Variants in PIBF1 observed in about 807,000 individuals in gnomAD.
PIBF1 encodes the protein progesterone-induced-blocking factor 1.
PIBF1 carries 90 observed loss-of-function variants against 112.5 expected under a neutral mutation model. The ratio of observed to expected loss-of-function variants is 0.80; its 90% CI spans 0.67 to 0.95. The LOEUF (loss-of-function observed/expected upper bound fraction) is 0.95. PIBF1 is among the 40% of genes least tolerant of loss of function. PIBF1 has a pLI of 0.00. For missense variants in PIBF1, 915 were observed against 852.3 expected (o/e 1.07, Z -0.92); for synonymous variants, 301 against 288.6 (o/e 1.04, Z -0.44).
At chr13:72,796,668 A>G (rs2035216763) in intron 4 of PIBF1, among the ~76,000 whole-genome samples, 1 of 150,986 alleles carries the variant, frequency 6.6e-6, no homozygotes, top group Admixed American at 6.6e-5. Context: ...TTTTTTTTAA[A>G]AGGCTCAAAT....
intron 14 of PIBF1, among the ~76,000 whole-genome samples, chr13:72,964,252 A>G (rs2042681290): frequency 6.6e-6 from 1 of 152,238 alleles, no homozygotes; most frequent in South Asian, 2.1e-4. Context: ...ATATTGTGTT[A>G]TTCCACTTAT....
intron 5 of PIBF1, among the ~76,000 whole-genome samples, chr13:72,805,664 C>T (rs1219144031): frequency 6.6e-6 from 1 of 152,174 alleles, no homozygotes; most frequent in Non-Finnish European, 1.5e-5. Flanking sequence ...AGATGGTATT[C>T]ACCCAAGAAT....
chr13:72,838,895 A>C (rs2037477594), intron 9 of PIBF1, among the ~76,000 whole-genome samples: 1 of 152,224 alleles, frequency 6.6e-6, no homozygotes, highest in Admixed American at 6.5e-5. Context: ...AAAGTAGGAC[A>C]AAAAGGACAA....
intron 9 of PIBF1, among the ~76,000 whole-genome samples, chr13:72,844,568 A>AT (rs2037748339): frequency 6.6e-6 from 1 of 151,878 alleles, no homozygotes; most frequent in Non-Finnish European, 1.5e-5. Flanking sequence ...ACTCCCACTT[A>AT]TGAGTGAGAA....
intron 16 of PIBF1, among the ~76,000 whole-genome samples, chr13:72,990,793 A>G (rs906950811): frequency 6.6e-6 from 1 of 152,146 alleles, no homozygotes; most frequent in African/African-American, 2.4e-5. Flanking sequence ...GGTTGCAGTG[A>G]GCCAAGATCA....
At chr13:72,983,117 T>C (rs1320325906) in intron 16 of PIBF1, among the ~76,000 whole-genome samples, 2 of 151,956 alleles carry the variant, frequency 1.3e-5, no homozygotes, top group African/African-American at 4.8e-5. Flanking sequence ...TACTTGAGTC[T>C]AGGAATTTGA....
chr13:72,891,040 C>T (rs2040035574), intron 10 of PIBF1, among the ~76,000 whole-genome samples: 1 of 152,008 alleles, frequency 6.6e-6, no homozygotes, highest in Admixed American at 6.6e-5. Context: ...TTGTTACCAC[C>T]TAGATGGTTT....
chr13:72,844,772 C>CGGATGAAGTCTTACTGTTT (rs1217568462), intron 9 of PIBF1, among the ~76,000 whole-genome samples: 3 of 115,198 alleles, frequency 2.6e-5, no homozygotes, highest in African/African-American at 1.0e-4. Context: ...CACACACACA[C>CGGATGAAGTCTTACTGTTT]ACACACACAC....
At chr13:72,954,366 C>A (rs945188603) in intron 14 of PIBF1, among the ~76,000 whole-genome samples, 1 of 152,190 alleles carries the variant, frequency 6.6e-6, no homozygotes, top group Non-Finnish European at 1.5e-5. Context: ...CACTATAGCA[C>A]ACTTCATGCC....
chr13:72,835,415 GT>G, intron 9 of PIBF1, 47 bp downstream of exon 9: 1 of 1,422,424 alleles, frequency 7.0e-7, no homozygotes, highest in Non-Finnish European at 9.5e-7. Flanking sequence ...ATCTTTGGAG[GT>G]TTTAGAAGCT....
At chr13:72,952,697 C>T (rs2042334523) in intron 14 of PIBF1, among the ~76,000 whole-genome samples, 1 of 139,280 alleles carries the variant, frequency 7.2e-6, no homozygotes, top group African/African-American at 2.7e-5. Context: ...TCTTAGCTAG[C>T]TTTGACTCAG....
At chr13:72,958,407 C>G (rs535918112) in intron 14 of PIBF1, among the ~76,000 whole-genome samples, 1 of 151,928 alleles carries the variant, frequency 6.6e-6, no homozygotes, top group Non-Finnish European at 1.5e-5. Flanking sequence ...GTCATCACTT[C>G]CATGCTGGTT....
At chr13:72,894,014 T>G in intron 11 of PIBF1, 65 bp downstream of exon 11, 2 of 772,360 alleles carry the variant, frequency 2.6e-6, no homozygotes, top group Non-Finnish European at 3.8e-6. Context: ...ACAAGATTTA[T>G]ATTGAGCTTT....
chr13:72,951,310 G>T (rs530054398), intron 14 of PIBF1, among the ~76,000 whole-genome samples: 72 of 152,212 alleles, frequency 4.7e-4, no homozygotes, highest in African/African-American at 1.5e-3. Flanking sequence ...CATGATTCTG[G>T]AACCAGACTC....
chr13:72,916,075 T>G (rs1031664032), intron 12 of PIBF1, among the ~76,000 whole-genome samples: 3 of 152,098 alleles, frequency 2.0e-5, no homozygotes, highest in African/African-American at 7.2e-5. Flanking sequence ...TTTGGTGTTT[T>G]GGGGGTTTTT....
intron 5 of PIBF1, among the ~76,000 whole-genome samples, chr13:72,811,608 A>AAAAAAGAG (rs199831981): frequency 0.11 from 15,948 of 139,494 alleles, 1,205 homozygotes; most frequent in Non-Finnish European, 0.16. Flanking sequence ...AAAAAAAAAA[A>AAAAAAGAG]AGAGAGAGAA....
chr13:72,794,759 CCT>C (rs1423170456), intron 3 of PIBF1, among the ~76,000 whole-genome samples: 1 of 152,178 alleles, frequency 6.6e-6, no homozygotes, highest in African/African-American at 2.4e-5. Context: ...GTCCAGTAAA[CCT>C]CTTTCCTTTA....
At chr13:72,966,832 C>T (rs936235155) in intron 15 of PIBF1, among the ~76,000 whole-genome samples, 7 of 152,128 alleles carry the variant, frequency 4.6e-5, no homozygotes, top group Admixed American at 6.5e-5. Flanking sequence ...TCGCTTGAAC[C>T]GGGGAGACGG....
At chr13:72,914,872 G>A (rs938203734) in intron 12 of PIBF1, among the ~76,000 whole-genome samples, 1 of 152,268 alleles carries the variant, frequency 6.6e-6, no homozygotes, top group Admixed American at 6.5e-5. Context: ...AAGCCACCAT[G>A]CACAGCTGAA....
Sources: allele counts gnomAD v4.1 joint callset (sites outside exome capture counted in the v4.1 genomes callset), GRCh38; gene constraint gnomAD v4.1.1; transcripts MANE v1.5; gene names NCBI Gene and HGNC (gene_info 2026-07-23, HGNC 2026-07-21).